ART3: variants seen among roughly 807,000 people sequenced by gnomAD.
ART3 encodes ecto-ADP-ribosyltransferase 3.
A neutral mutation model predicts 48.5 loss-of-function variants in ART3; 49 were observed. The observed-to-expected ratio is 1.01, with a 90% CI of 0.80 to 1.28. The LOEUF (loss-of-function observed/expected upper bound fraction) is 1.28. ART3 is among the 50% of genes most tolerant of loss of function. The pLI, the probability that ART3 is intolerant of heterozygous loss-of-function variation, is 0.00. For missense variants in ART3, 438 were observed against 454.3 expected (o/e 0.96, Z 0.33); for synonymous variants, 145 against 157.2 (o/e 0.92, Z 0.58).
chr4:76,022,459 T>G (rs1732939766), intron 1 of ART3: 2 of 1,609,328 alleles, frequency 1.2e-6, no homozygotes, highest in Non-Finnish European at 1.7e-6. Context: ...TGTAGCACTG[T>G]AGAAATAAAT....
intron 1 of ART3, among the ~76,000 whole-genome samples, chr4:76,038,657 G>C (rs1734662054): frequency 6.6e-6 from 1 of 152,092 alleles, no homozygotes; most frequent in African/African-American, 2.4e-5. Context: ...TGTTAATAGG[G>C]AAGGCTCTAG....
At chr4:76,092,492 T>C (rs916558863) in intron 3 of ART3, among the ~76,000 whole-genome samples, 1 of 152,218 alleles carries the variant, frequency 6.6e-6, no homozygotes, top group African/African-American at 2.4e-5. Flanking sequence ...GACAAAAAAA[T>C]CTGCTGTGCT....
intron 8 of ART3, among the ~76,000 whole-genome samples, chr4:76,103,553 A>G (rs1034327254): frequency 5.3e-5 from 8 of 152,150 alleles, no homozygotes; most frequent in Non-Finnish European, 1.2e-4. Context: ...AAAGTGAGAA[A>G]CTAAAGTTAG....
At chr4:76,023,409 A>ATCAGAATGGC in intron 1 of ART3, 1 of 1,614,060 alleles carries the variant, frequency 6.2e-7, no homozygotes, top group Middle Eastern at 1.6e-4. Flanking sequence ...AAGGCAGCAA[A>ATCAGAATGGC]TCAGAATGGC....
At position 76,030,132 on chromosome 4, in the gene ART3, C is replaced by G. The variant is rs569423662; in HGVS notation, c.-10+18812C>G. On this transcript the variant is annotated intron_variant, in intron 1 of 9. Transcript: ENST00000341029. ...AGTGCAATGACGCGATCTCGGCTCA[C>G]TGCAACCTCCACCTCCCGGGTTCAA... is the stretch of plus-strand genomic sequence containing the variant. Among the ~76,000 whole-genome samples, 141 of 152,354 alleles carry G rather than the reference C, an allele frequency of 9.3e-4. 4 individuals carry two copies. Among genetic ancestry groups the G allele is most frequent in the Admixed American group, 8.8e-3 (134 of 15,312 alleles).
In ART3 at chr4:76,079,201, G is replaced by C. The variant is rs1442796993; in HGVS notation, c.70-2623G>C. ...TAAAAAAAAAAAAAAAAAAGGCGGGGGGCTAATAATAGTACCTACCTCACA... is the reference window on the plus strand; with the variant it reads ...TAAAAAAAAAAAAAAAAAAGGCGGGCGGCTAATAATAGTACCTACCTCACA... On this transcript the variant is annotated intron_variant, in intron 2 of 11. Coordinates refer to ENST00000355810, the MANE Select transcript of ART3 (RefSeq NM_001130016.3). 2.7e-5 allele frequency among the ~76,000 whole-genome samples: 4 copies of C among 150,078 alleles called. No individual in the cohort carries two copies. The East Asian group carries it at 7.7e-4, about 29-fold the overall frequency.
chr4:76,094,739 C>G (rs1319842475), intron 3 of ART3, among the ~76,000 whole-genome samples: 1 of 152,180 alleles, frequency 6.6e-6, no homozygotes, highest in Non-Finnish European at 1.5e-5. Context: ...AGTTTTCTAA[C>G]ACATATAATC....
At chr4:76,056,652 C>G (rs1718721427) in intron 1 of ART3, among the ~76,000 whole-genome samples, 1 of 152,072 alleles carries the variant, frequency 6.6e-6, no homozygotes, top group African/African-American at 2.4e-5. Flanking sequence ...TGTTGCCCAT[C>G]AGGCTGAGGA....
intron 1 of ART3, among the ~76,000 whole-genome samples, chr4:76,075,444 T>C (rs901575929): frequency 6.6e-6 from 1 of 152,196 alleles, no homozygotes; most frequent in Admixed American, 6.5e-5. Context: ...ATAATGTGCA[T>C]GGACATATTC....
At chr4:76,110,221 A>T (rs1729223391) in intron 11 of ART3, among the ~76,000 whole-genome samples, 1 of 152,202 alleles carries the variant, frequency 6.6e-6, no homozygotes, top group Non-Finnish European at 1.5e-5. Flanking sequence ...TATTTGTGGG[A>T]AAAAATAATA....
In ART3 at chr4:76,079,734, G is replaced by C. The variant is rs114272878; in HGVS notation, c.70-2090G>C. On this transcript the variant is annotated intron_variant, in intron 2 of 11. Transcript: ENST00000355810. Reference sequence around the variant, plus strand: ...ATGGGGAGGGTTGAGCTATACGTGGGAAATGAAGTGGAGATGGCAAGGACA... The same window carrying C: ...ATGGGGAGGGTTGAGCTATACGTGGCAAATGAAGTGGAGATGGCAAGGACA... Among the ~76,000 whole-genome samples the C allele has an allele frequency of 4.2e-3, 634 of 152,260 alleles. 4 individuals carry two copies. The highest frequency in any genetic ancestry group is 7.3e-3 in the Non-Finnish European group (495 of 68,014).
chr4:76,068,934 C>T (rs1299715272), intron 1 of ART3, among the ~76,000 whole-genome samples: 5 of 152,226 alleles, frequency 3.3e-5, no homozygotes, highest in Non-Finnish European at 7.3e-5. Context: ...CCTTTAGCTA[C>T]TCCAACCACT....
chr4:76,093,594 T>G (rs893170252), intron 3 of ART3, among the ~76,000 whole-genome samples: 1 of 152,224 alleles, frequency 6.6e-6, no homozygotes, highest in Non-Finnish European at 1.5e-5. Context: ...GCCAGCTAAT[T>G]AACAACATTA....
intron 2 of ART3, among the ~76,000 whole-genome samples, 177 bp downstream of exon 2, chr4:76,076,135 G>A (rs909003449): frequency 1.3e-5 from 2 of 151,794 alleles, no homozygotes; most frequent in African/African-American, 4.8e-5. Flanking sequence ...CTCCCCAGTA[G>A]CTAGGACTAC....
At chr4:76,031,382 A>G (rs934996484) in intron 1 of ART3, among the ~76,000 whole-genome samples, 1 of 152,194 alleles carries the variant, frequency 6.6e-6, no homozygotes, top group African/African-American at 2.4e-5. Context: ...TGTAAAGATG[A>G]TATGAGAATG....
intron 9 of ART3, 85 bp from the exon 10 acceptor site, chr4:76,104,512 A>G: frequency 1.2e-5 from 19 of 1,546,246 alleles, no homozygotes; most frequent in Non-Finnish European, 1.6e-5. Flanking sequence ...GGGTGCTTGC[A>G]TCTCTTAAGC....
intron 1 of ART3, chr4:76,036,253 G>T: frequency 2.6e-6 from 1 of 390,130 alleles, no homozygotes; most frequent in South Asian, 8.1e-5. Flanking sequence ...ATAAGAATGT[G>T]AAAGCACTGT....
chr4:76,022,357 C>A (rs1227332486), intron 1 of ART3: 1 of 1,611,900 alleles, frequency 6.2e-7, no homozygotes, highest in South Asian at 1.1e-5. Context: ...CAGGCAACAG[C>A]AAACCTACCT....
intron 1 of ART3, among the ~76,000 whole-genome samples, chr4:76,024,773 C>G (rs957708707): frequency 6.6e-6 from 1 of 152,184 alleles, no homozygotes; most frequent in Non-Finnish European, 1.5e-5. Context: ...TTTTCATAGT[C>G]AGCTGGGCTG....
Sources: gnomAD v4.1 joint callset for allele counts (sites outside exome capture counted in the v4.1 genomes callset) on GRCh38, gnomAD v4.1.1 for gene constraint, MANE v1.5 for transcripts, NCBI Gene and HGNC (gene_info 2026-07-23, HGNC 2026-07-21) for gene names.